CFAP100: variants seen among roughly 807,000 people sequenced by gnomAD.
CFAP100 encodes cilia and flagella associated protein 100.
A neutral mutation model predicts 81.5 loss-of-function variants in CFAP100; 70 were observed. That is an observed-to-expected ratio of 0.86 (90% CI 0.71 to 1.05). The LOEUF (loss-of-function observed/expected upper bound fraction) is 1.05, where lower values mean the gene tolerates loss of function less well. Among genes scored for constraint, CFAP100 ranks in the 50% least tolerant of loss-of-function variants. The pLI, the probability that CFAP100 is intolerant of heterozygous loss-of-function variation, is 0.00. For synonymous variants in CFAP100, 341 were observed against 314.8 expected (o/e 1.08, Z -0.88); for missense variants, 811 against 776.5 (o/e 1.04, Z -0.53).
intron 13 of CFAP100, among the ~76,000 whole-genome samples, chr3:126,426,445 A>G (rs1273313888): frequency 1.4e-5 from 2 of 143,538 alleles, no homozygotes; most frequent in Non-Finnish European, 1.5e-5. Context: ...ACACAGTGAG[A>G]CCCTGTCTTA....
intron 2 of CFAP100, among the ~76,000 whole-genome samples, chr3:126,404,559 A>AT (rs1320768061): frequency 6.6e-6 from 1 of 152,232 alleles, no homozygotes; most frequent in African/African-American, 2.4e-5. Context: ...CCTGGGTGCC[A>AT]TCTGCTCTGA....
intron 13 of CFAP100, among the ~76,000 whole-genome samples, chr3:126,426,203 C>T (rs1179521809): frequency 2.6e-5 from 4 of 152,212 alleles, no homozygotes; most frequent in Non-Finnish European, 5.9e-5. Context: ...TGGCTCATGC[C>T]TGTAATTTCA....
At position 126,396,122 on chromosome 3, in the gene CFAP100, G is replaced by A; in HGVS notation, c.49+73G>A. 11 of 1,189,866 alleles carry A rather than the reference G, an allele frequency of 9.2e-6. No homozygotes were observed. The South Asian group carries it at 1.3e-4, about 14-fold the overall frequency. 73.7% of individuals were successfully genotyped at this position (1,189,866 alleles called of 1,614,324 possible). On this transcript the variant is annotated intron_variant, in intron 2 of 16. Transcript: ENST00000352312. ...CGGAGCCTGTCCAGCTCCCTCACAG[G>A]TTAAGGTAGCTCTAAACCAAACACT...
At chr3:126,424,378 A>G (rs1323624770) in intron 13 of CFAP100, among the ~76,000 whole-genome samples, 1 of 152,224 alleles carries the variant, frequency 6.6e-6, no homozygotes, top group East Asian at 1.9e-4. Context: ...GCCTTGGGAA[A>G]ATCCTGCCCT....
Position 126,419,995 on chromosome 3 carries a change from G to A in CFAP100, c.929G>A (p.Gly310Asp). The A allele has an allele frequency of 6.2e-7, 1 of 1,613,156 alleles. No homozygotes were observed. The highest frequency in any genetic ancestry group is 2.2e-5 in the East Asian group (1 of 44,884). The change falls in exon 10 of 17, where the codon GGC becomes GAC. Residue 310 changes from glycine to aspartate, a missense_variant. Coordinates refer to ENST00000352312, the MANE Select transcript of CFAP100 (RefSeq NM_182628.3). ...CTTCCTGCAGGACCAGGGATCAAGG[G>A]CAAGGCGAGCTCCATGTGGGCCAAA... ...TPGDKGPGIK[G>D]KASSMWAKEG...
chr3:126,434,800 C>T (rs1933379630), intron 15 of CFAP100, among the ~76,000 whole-genome samples: 1 of 152,048 alleles, frequency 6.6e-6, no homozygotes, highest in South Asian at 2.1e-4. Flanking sequence ...AGGCTGAGGG[C>T]AAGGGCAGCT....
Position 126,416,481 on chromosome 3 carries a change from A to C in CFAP100, c.391A>C (p.Thr131Pro). 6.2e-7 allele frequency: 1 copy of C among 1,603,684 alleles called. No homozygotes were observed. The highest frequency in any genetic ancestry group is 8.5e-7 in the Non-Finnish European group (1 of 1,174,786). Reference protein sequence around the residue: ...AEHQRAFRDYTTWKLTLTKEK... With the variant: ...AEHQRAFRDYPTWKLTLTKEK... ...GCATCAGCGCGCCTTCCGCGACTAC[A>C]CGACCTGGAAGCTCACCTTGACCAA... The change falls in exon 5 of 17, where the codon ACG becomes CCG. Residue 131 changes from threonine (T) to proline (P), a missense_variant. Coordinates refer to ENST00000352312, the MANE Select transcript of CFAP100 (RefSeq NM_182628.3).
chr3:126,411,882 T>A (rs2083162520), intron 3 of CFAP100, among the ~76,000 whole-genome samples: 2 of 152,194 alleles, frequency 1.3e-5, no homozygotes, highest in South Asian at 4.1e-4. Flanking sequence ...ATCCTTTGTA[T>A]TTCTTTTGTT....
chr3:126,399,508 A>G (rs1253178002), intron 2 of CFAP100, among the ~76,000 whole-genome samples: 1 of 152,250 alleles, frequency 6.6e-6, no homozygotes, highest in Non-Finnish European at 1.5e-5. Flanking sequence ...CAAAGAATCC[A>G]CAAGGAAGTT....
At chr3:126,398,068 G>T (rs1443753976) in intron 2 of CFAP100, among the ~76,000 whole-genome samples, 1 of 152,256 alleles carries the variant, frequency 6.6e-6, no homozygotes, top group Non-Finnish European at 1.5e-5. Context: ...ATGACGGGAA[G>T]GATTTAAGAG....
intron 2 of CFAP100, among the ~76,000 whole-genome samples, chr3:126,402,820 G>C (rs564603615): frequency 6.6e-5 from 10 of 151,850 alleles, no homozygotes; most frequent in Admixed American, 5.2e-4. Flanking sequence ...GGTCGGTGGT[G>C]GGGGGTGCAG....
At chr3:126,404,314 G>A (rs954821147) in intron 2 of CFAP100, among the ~76,000 whole-genome samples, 15 of 152,194 alleles carry the variant, frequency 9.9e-5, no homozygotes, top group African/African-American at 3.6e-4. Context: ...ACGAAGTTGA[G>A]GAGAAGTACA....
At chr3:126,404,373 G>C (rs1560063141) in intron 2 of CFAP100, among the ~76,000 whole-genome samples, 1 of 152,226 alleles carries the variant, frequency 6.6e-6, no homozygotes, top group Non-Finnish European at 1.5e-5. Context: ...ATGTTCCAAA[G>C]TGTAGAAGTT....
intron 13 of CFAP100, among the ~76,000 whole-genome samples, chr3:126,429,634 G>A (rs201223665): frequency 1.4e-5 from 1 of 71,780 alleles, no homozygotes; most frequent in African/African-American, 5.2e-5. Flanking sequence ...TTTTTTTTTT[G>A]TACTTACCAT....
At chr3:126,410,281 T>C (rs2083134483) in intron 3 of CFAP100, among the ~76,000 whole-genome samples, 1 of 152,244 alleles carries the variant, frequency 6.6e-6, no homozygotes, top group Non-Finnish European at 1.5e-5. Flanking sequence ...TAGTGTCTTA[T>C]TTTAAAACTC....
intron 2 of CFAP100, among the ~76,000 whole-genome samples, chr3:126,405,657 C>A (rs906306320): frequency 2.1e-5 from 3 of 143,176 alleles, no homozygotes; most frequent in Admixed American, 1.4e-4. Context: ...AGCAAGATGC[C>A]ATCTCAAAAT....
chr3:126,435,612 A>C lies in CFAP100; in HGVS notation c.1682A>C (p.Gln561Pro), dbSNP rs758668134. 7 of 1,612,552 alleles carry C rather than the reference A, an allele frequency of 4.3e-6. No individual in the cohort carries two copies. Among genetic ancestry groups the C allele is most frequent in the Non-Finnish European group, 5.9e-6 (7 of 1,178,978 alleles). The stretch of plus-strand genomic sequence containing the variant: ...AAGATCCTACAGGAGGAGCATCTGC[A>C]GCGGGCCCGGGCGCGCGCCCAGGCT... Reference protein sequence around the residue: ...MQKILQEEHLQRARARAQAEI... With the variant: ...MQKILQEEHLPRARARAQAEI... The change falls in exon 16 of 17, where the codon CAG (glutamine) becomes CCG (proline). Residue 561 changes from glutamine to proline, a missense_variant. Transcript: ENST00000352312.
rs2082978371 is a variant in CFAP100 at position 126,401,400 on chromosome 3, TATATATATATATA to T, written c.49+5352_49+5364del. Among the ~76,000 whole-genome samples, 49 of 40,988 alleles carry T rather than the reference TATATATATATATA, an allele frequency of 1.2e-3. 1 individual carries two copies. The highest frequency in any genetic ancestry group is 8.2e-3 in the South Asian group (9 of 1,092). 26.9% of individuals were successfully genotyped at this position (40,988 alleles called of 152,430 possible). A position where few individuals can be genotyped will look rare whatever the true frequency, so the allele number is the denominator to read the frequency against. Reference sequence around the variant, plus strand: ...GCATAAAATGGCAAATCGTATTTTATATATATATATATATATATATATATATATATATATATAT... The same window carrying T: ...GCATAAAATGGCAAATCGTATTTTATTATATATATATATATATATATATAT... On this transcript the variant is annotated intron_variant, in intron 2 of 16. Transcript: ENST00000352312.
chr3:126,421,956 C>T (rs2083338673), intron 11 of CFAP100, among the ~76,000 whole-genome samples: 1 of 152,252 alleles, frequency 6.6e-6, no homozygotes, highest in Non-Finnish European at 1.5e-5. Flanking sequence ...CCTAGGGCTC[C>T]CTCAGCCATG....
Sources: gnomAD v4.1 joint callset for allele counts (sites outside exome capture counted in the v4.1 genomes callset) on GRCh38, gnomAD v4.1.1 for gene constraint, MANE v1.5 for transcripts, NCBI Gene and HGNC (gene_info 2026-07-23, HGNC 2026-07-21) for gene names.